Variants in CCDC191 observed in about 807,000 individuals in gnomAD.
CCDC191 encodes coiled-coil domain containing 191, also known as coiled-coil domain-containing protein 191.
A neutral mutation model predicts 114.0 loss-of-function variants in CCDC191; 99 were observed. The observed-to-expected ratio is 0.87, with a 90% CI of 0.74 to 1.03. The LOEUF (loss-of-function observed/expected upper bound fraction) is 1.03. Ranked by LOEUF, CCDC191 falls within the 50% of genes least tolerant of loss-of-function variation. The pLI, the probability that CCDC191 is intolerant of heterozygous loss-of-function variation, is 0.00. For synonymous variants in CCDC191, 351 were observed against 376.0 expected (o/e 0.93, Z 0.77); for missense variants, 973 against 1,087.0 (o/e 0.90, Z 1.47).
At chr3:114,038,111 A>C (rs1217391642) in intron 4 of CCDC191, among the ~76,000 whole-genome samples, 1 of 152,206 alleles carries the variant, frequency 6.6e-6, no homozygotes, top group Non-Finnish European at 1.5e-5. Context: ...CATCCTTACT[A>C]ATACTCAGTA....
At chr3:113,978,448 C>T in intron 15 of CCDC191, 117 bp from the exon 16 acceptor site, 1 of 1,038,842 alleles carries the variant, frequency 9.6e-7, no homozygotes, top group Non-Finnish European at 1.4e-6. Flanking sequence ...ACACTAGAGA[C>T]ATACAAAGAA....
chr3:114,002,933 A>C (rs956119566), intron 11 of CCDC191: 1 of 982,844 alleles, frequency 1.0e-6, no homozygotes, highest in African/African-American at 1.7e-5. Context: ...TGAGAGTAGA[A>C]TCGTTCCTCA....
chr3:114,004,600 A>G (rs987883715), intron 11 of CCDC191, 37 bp downstream of exon 11: 4 of 1,578,588 alleles, frequency 2.5e-6, no homozygotes, highest in Non-Finnish European at 3.4e-6. Context: ...AGGAGAGAAG[A>G]TAACAACCAC....
At chr3:114,028,922 A>T (rs1209937243) in intron 7 of CCDC191, among the ~76,000 whole-genome samples, 1 of 151,164 alleles carries the variant, frequency 6.6e-6, no homozygotes, top group East Asian at 1.9e-4. Flanking sequence ...GTGTGTGTAT[A>T]TGTATGTTAG....
Position 114,001,639 on chromosome 3 carries a change from C to G in CCDC191, c.2119G>C (p.Ala707Pro). Residue 707 changes from alanine (A) to proline (P), a missense_variant, in exon 13 of 17, where the codon GCA (alanine) becomes CCA (proline). Transcript: ENST00000295878. ...TCTTCTCGTTTTCTTTCAAGCTGTG[C>G]CTCCTTTTCTTCTGCCTCCCTTTTC... is the stretch of plus-strand genomic sequence containing the variant. ...RQKREAEEKE[A>P]QLERKREEKR... is the part of the protein sequence containing the mutation. 1 of 1,613,788 alleles carries G rather than the reference C, an allele frequency of 6.2e-7. No individual in the cohort carries two copies. Among genetic ancestry groups the G allele is most frequent in the Non-Finnish European group, 8.5e-7 (1 of 1,179,734 alleles).
intron 8 of CCDC191, among the ~76,000 whole-genome samples, chr3:114,017,750 G>A (rs2076183217): frequency 6.6e-6 from 1 of 152,112 alleles, no homozygotes; most frequent in South Asian, 2.1e-4. Context: ...GGAGGATGAG[G>A]GGAGGAAACT....
rs532476529 is a variant in CCDC191, at chr3:114,053,536, T to C, written c.129+61A>G. The C allele has an allele frequency of 2.2e-5, 22 of 985,250 alleles. 1 individual carries two copies. The South Asian group carries it at 3.2e-4, about 14-fold the overall frequency. 61.0% of individuals were successfully genotyped at this position (985,250 alleles called of 1,614,324 possible). A position where few individuals can be genotyped will look rare whatever the true frequency, so the allele number is the denominator to read the frequency against. ...AAGTGGAGATCTATTCATATTTCTT[T>C]TCCATCTGATTATGCTTGACTCTTA... On this transcript the variant is annotated intron_variant, in intron 2 of 16. Transcript: ENST00000295878.
At chr3:114,052,976 G>A (rs762860216) in intron 2 of CCDC191, among the ~76,000 whole-genome samples, 6 of 152,130 alleles carry the variant, frequency 3.9e-5, no homozygotes, top group Non-Finnish European at 8.8e-5. Context: ...TGATTTAATG[G>A]CACTTTCAAA....
intron 13 of CCDC191, among the ~76,000 whole-genome samples, chr3:113,994,633 G>C (rs562618991): frequency 3.6e-4 from 53 of 149,278 alleles, no homozygotes; most frequent in African/African-American, 1.3e-3. Flanking sequence ...ACTGAGGCTG[G>C]AGTGCAGTAG....
At chr3:113,971,674 AAT>A (rs1940834954) in intron 16 of CCDC191, among the ~76,000 whole-genome samples, 2 of 152,022 alleles carry the variant, frequency 1.3e-5, no homozygotes, top group African/African-American at 4.8e-5. Flanking sequence ...GTATCAGGCT[AAT>A]GCTGGCCTGA....
At chr3:113,988,964 T>C (rs2107631594) in intron 13 of CCDC191, among the ~76,000 whole-genome samples, 1 of 152,010 alleles carries the variant, frequency 6.6e-6, no homozygotes, top group East Asian at 1.9e-4. Flanking sequence ...CGGCTAATAT[T>C]TTTGTATTTT....
chr3:113,965,795 A>G (rs1577291071), intron 16 of CCDC191, among the ~76,000 whole-genome samples: 1 of 151,954 alleles, frequency 6.6e-6, no homozygotes, highest in East Asian at 1.9e-4. Flanking sequence ...GGGTTTCACC[A>G]TGTTGGCCAG....
At chr3:114,045,876 A>C (rs2076622874) in intron 3 of CCDC191, among the ~76,000 whole-genome samples, 1 of 152,154 alleles carries the variant, frequency 6.6e-6, no homozygotes, top group African/African-American at 2.4e-5. Flanking sequence ...AATTTTCTTT[A>C]TTCCCACAAG....
At chr3:114,013,792 T>C (rs564381594) in intron 8 of CCDC191, among the ~76,000 whole-genome samples, 1 of 152,192 alleles carries the variant, frequency 6.6e-6, no homozygotes, top group Non-Finnish European at 1.5e-5. Context: ...CACTCAATGA[T>C]ACTGGGTGAC....
intron 4 of CCDC191, chr3:114,039,276 T>C (rs909236117): frequency 2.0e-5 from 3 of 151,708 alleles, no homozygotes; most frequent in African/African-American, 7.3e-5. Flanking sequence ...GAGGCCGAAA[T>C]GGGAGGATTG....
intron 7 of CCDC191, among the ~76,000 whole-genome samples, chr3:114,028,457 T>C (rs936055695): frequency 2.5e-4 from 38 of 151,830 alleles, no homozygotes; most frequent in Non-Finnish European, 5.0e-4. Flanking sequence ...GGCTAATTTT[T>C]TGTATATTTA....
chr3:114,040,829 CAT>C (rs1384209189), intron 4 of CCDC191, among the ~76,000 whole-genome samples: 1 of 152,018 alleles, frequency 6.6e-6, no homozygotes, highest in African/African-American at 2.4e-5. Flanking sequence ...TTGTTTTCTA[CAT>C]GTCTTATGTA....
intron 6 of CCDC191, among the ~76,000 whole-genome samples, chr3:114,034,613 T>C (rs1001537669): frequency 1.3e-5 from 2 of 152,148 alleles, no homozygotes; most frequent in African/African-American, 2.4e-5. Context: ...GAGGTGGTCA[T>C]TACATAAATT....
chr3:113,981,069 G>C (rs1173995723), intron 13 of CCDC191, among the ~76,000 whole-genome samples: 1 of 152,130 alleles, frequency 6.6e-6, no homozygotes, highest in African/African-American at 2.4e-5. Flanking sequence ...CTCTCACCAA[G>C]TAACTAAAAG....
Sources: gnomAD v4.1 joint callset for allele counts (sites outside exome capture counted in the v4.1 genomes callset) on GRCh38, gnomAD v4.1.1 for gene constraint, MANE v1.5 for transcripts, NCBI Gene and HGNC (gene_info 2026-07-23, HGNC 2026-07-21) for gene names.